ARL3: variants seen among roughly 807,000 people sequenced by gnomAD.
The protein encoded by ARL3 is ARF like GTPase 3.
Under a neutral mutation model 26.0 loss-of-function variants are expected in ARL3, and 9 were observed. The observed-to-expected ratio is 0.35, with a 90% CI of 0.21 to 0.60. The LOEUF (loss-of-function observed/expected upper bound fraction) is 0.60. Ranked by LOEUF, ARL3 falls within the 20% of genes least tolerant of loss-of-function variation. The probability of loss-of-function intolerance (pLI) is 0.78; values close to 1 mark genes in which losing one functional copy is unlikely to be tolerated. For synonymous variants in ARL3, 71 were observed against 78.4 expected, an observed-to-expected ratio of 0.91 and a Z score of 0.50; for missense variants, 158 against 215.7, an observed-to-expected ratio of 0.73 and a Z score of 1.67.
chr10:102,711,565 C>T (rs1359542483), intron 1 of ARL3, among the ~76,000 whole-genome samples: 1 of 151,918 alleles, frequency 6.6e-6, no homozygotes, highest in Non-Finnish European at 1.5e-5. Flanking sequence ...TCCTGGCTAA[C>T]ATGGTGAAAC....
At chr10:102,708,586 G>A (rs2064321112) in intron 1 of ARL3, among the ~76,000 whole-genome samples, 1 of 152,046 alleles carries the variant, frequency 6.6e-6, no homozygotes, top group South Asian at 2.1e-4. Flanking sequence ...GCCGGGTGTG[G>A]TGGCTCACAC....
chr10:102,703,425 CTTTTTTTTTTTTTTT>C lies in ARL3; in HGVS notation c.147+1906_147+1920del, dbSNP rs57721161. On this transcript the variant is annotated intron_variant, in intron 2 of 5. Transcript: ENST00000260746. ...ATGAGCCATGGTGCCCAGGACTTGT[CTTTTTTTTTTTTTTT>C]TTTTTTTTTTTTTTTTTTTTTGTGA... Among the ~76,000 whole-genome samples, 35 of 48,472 alleles carry C rather than the reference CTTTTTTTTTTTTTTT, an allele frequency of 7.2e-4. 1 individual carries two copies. Among genetic ancestry groups the C allele is most frequent in the Non-Finnish European group, 9.0e-4 (24 of 26,532 alleles). The allele number at this position is 48,472 out of a possible 152,430, so 31.8% of individuals were successfully genotyped here.
At chr10:102,710,230 C>T (rs181013471) in intron 1 of ARL3, among the ~76,000 whole-genome samples, 1 of 152,280 alleles carries the variant, frequency 6.6e-6, no homozygotes, top group Admixed American at 6.5e-5. Flanking sequence ...GCATTTCAAG[C>T]ATGGTCTAGG....
chr10:102,703,243 T>A (rs2064289864), intron 2 of ARL3, among the ~76,000 whole-genome samples: 1 of 149,878 alleles, frequency 6.7e-6, no homozygotes, highest in Admixed American at 6.7e-5. Context: ...TGCCTCAGTC[T>A]CCTGAGTAGC....
chr10:102,676,865 C>T lies in ARL3; in HGVS notation c.*29G>A. 1 of 1,612,860 alleles carries T rather than the reference C, an allele frequency of 6.2e-7. No individual in the cohort carries two copies. The highest frequency in any genetic ancestry group is 8.5e-7 in the Non-Finnish European group (1 of 1,179,074). On this transcript the variant is annotated 3_prime_UTR_variant, in exon 6 of 6. Transcript: ENST00000260746. ...TTTTCAGGACCGAATTCGGCTCCCG[C>T]AGCTCCTGCATCTCCATTCGTCTAG...
intron 4 of ARL3, among the ~76,000 whole-genome samples, chr10:102,687,066 C>A (rs1421671589): frequency 6.7e-6 from 1 of 150,056 alleles, no homozygotes; most frequent in East Asian, 2.0e-4. Flanking sequence ...TTAGTAGAGA[C>A]GGGGTTTCAC....
Position 102,714,257 on chromosome 10 carries a change from A to C in ARL3, c.3+16T>G, listed in dbSNP as rs746713976. 2.3e-6 allele frequency: 3 copies of C among 1,313,236 alleles called. No homozygotes were observed. The African/African-American group carries it at 4.5e-5, about 20-fold the overall frequency. The allele number at this position is 1,313,236 out of a possible 1,614,324, so 81.3% of individuals were successfully genotyped here. A position where few individuals can be genotyped will look rare whatever the true frequency, so the allele number is the denominator to read the frequency against. On this transcript the variant is annotated intron_variant, in intron 1 of 5. Transcript: ENST00000260746. ...TAACCGGCCGGCTCCAAGGGGGCCC[A>C]GGCCCCCACACTCACCATCCTCCCG...
At chr10:102,691,887 A>G (rs1392669022) in intron 3 of ARL3, among the ~76,000 whole-genome samples, 1 of 152,234 alleles carries the variant, frequency 6.6e-6, no homozygotes, top group Non-Finnish European at 1.5e-5. Flanking sequence ...ACTGGCAGAC[A>G]GGGCTGTGAG....
At chr10:102,690,431 A>C (rs2064210989) in intron 3 of ARL3, among the ~76,000 whole-genome samples, 1 of 151,282 alleles carries the variant, frequency 6.6e-6, no homozygotes, top group Non-Finnish European at 1.5e-5. Context: ...CTACAGGCAC[A>C]CGCCACCATG....
chr10:102,705,547 G>A lies in ARL3; in HGVS notation c.4-58C>T, dbSNP rs74154423. ...GGGGGCACTGACTGTGATATTAACT[G>A]GATATGAGAATAACTTCTCCTTGAA... On this transcript the variant is annotated intron_variant, in intron 1 of 5. Transcript: ENST00000260746. 5.6e-5 allele frequency: 80 copies of A among 1,416,316 alleles called. No individual in the cohort carries two copies. The African/African-American group carries it at 9.4e-4, about 17-fold the overall frequency. 87.7% of individuals were successfully genotyped at this position (1,416,316 alleles called of 1,614,324 possible).
chr10:102,693,077 G>A (rs781490005), intron 3 of ARL3, among the ~76,000 whole-genome samples: 3 of 152,152 alleles, frequency 2.0e-5, no homozygotes, highest in African/African-American at 4.8e-5. Flanking sequence ...ACCACAGTTT[G>A]TTTATCTATT....
intron 3 of ARL3, among the ~76,000 whole-genome samples, chr10:102,693,336 T>A (rs1402710687): frequency 6.6e-6 from 1 of 152,166 alleles, no homozygotes; most frequent in Non-Finnish European, 1.5e-5. Context: ...TTGCTCTACA[T>A]CCGTATCAGC....
chr10:102,704,716 TAC>T (rs2064299190), intron 2 of ARL3, among the ~76,000 whole-genome samples: 1 of 152,160 alleles, frequency 6.6e-6, no homozygotes, highest in African/African-American at 2.4e-5. Flanking sequence ...TTTGTCTATA[TAC>T]ACACAAACAC....
intron 4 of ARL3, among the ~76,000 whole-genome samples, chr10:102,686,279 G>C (rs2064185054): frequency 6.6e-6 from 1 of 151,384 alleles, no homozygotes; most frequent in Non-Finnish European, 1.5e-5. Flanking sequence ...GCCACGTTGG[G>C]CAGGCTGGTC....
At chr10:102,705,006 G>A (rs10883766) in intron 2 of ARL3, among the ~76,000 whole-genome samples, 15,912 of 152,136 alleles carry the variant, frequency 0.1, 1,267 homozygotes, top group East Asian at 0.42. Context: ...ACAGTTCCAT[G>A]GCATTAAATA....
chr10:102,696,422 G>A (rs931577421), intron 3 of ARL3, among the ~76,000 whole-genome samples: 5 of 151,156 alleles, frequency 3.3e-5, no homozygotes, highest in African/African-American at 7.3e-5. Flanking sequence ...CCACCACCAC[G>A]CCTGGCTAAT....
intron 5 of ARL3, among the ~76,000 whole-genome samples, chr10:102,677,242 G>T (rs2064135106): frequency 6.6e-6 from 1 of 152,218 alleles, no homozygotes; most frequent in Non-Finnish European, 1.5e-5. Flanking sequence ...TGCATCCAAA[G>T]CCTGACTGAA....
chr10:102,689,000 A>G (rs2064202548), intron 4 of ARL3, among the ~76,000 whole-genome samples: 1 of 152,160 alleles, frequency 6.6e-6, no homozygotes, highest in African/African-American at 2.4e-5. Context: ...CATATATTCA[A>G]TTTGATTAAA....
chr10:102,705,216 T>A, intron 2 of ARL3, 130 bp downstream of exon 2: 1 of 1,137,262 alleles, frequency 8.8e-7, no homozygotes, highest in South Asian at 2.4e-5. Flanking sequence ...CTGGTTATCT[T>A]TAGATTGTAT....
Sources: allele counts gnomAD v4.1 joint callset (sites outside exome capture counted in the v4.1 genomes callset), GRCh38; gene constraint gnomAD v4.1.1; transcripts MANE v1.5; gene names NCBI Gene and HGNC (gene_info 2026-07-23, HGNC 2026-07-21).